YEATS2: variants seen among roughly 807,000 people sequenced by gnomAD.
YEATS2 encodes YEATS domain-containing protein 2.
In YEATS2, 77 loss-of-function variants were observed where a neutral mutation model predicts 163.2. The observed-to-expected ratio is 0.47, with a 90% confidence interval of 0.39 to 0.57. The LOEUF is 0.57. Ranked by LOEUF, YEATS2 falls within the 20% of genes least tolerant of loss-of-function variation. YEATS2 has a pLI of 0.00. For synonymous variants in YEATS2, 631 were observed against 645.1 expected (o/e 0.98, Z 0.33); for missense variants, 1,549 against 1,729.8 (o/e 0.90, Z 1.85).
intron 10 of YEATS2, among the ~76,000 whole-genome samples, chr3:183,753,522 C>T (rs1720400459): frequency 6.6e-6 from 1 of 152,122 alleles, no homozygotes; most frequent in Non-Finnish European, 1.5e-5. Flanking sequence ...CTGAAACCAT[C>T]GGATCACCTG....
Position 183,736,815 on chromosome 3 carries a change from A to G in YEATS2, c.910A>G (p.Ile304Val), listed in dbSNP as rs1718389271. Residue 304 changes from isoleucine to valine, a missense_variant, in exon 8 of 31, where the codon ATA (isoleucine) becomes GTA (valine). Ile to Val is a conservative substitution (Grantham distance 29, BLOSUM62 3). Transcript: ENST00000305135. ...CAGCCAGAACAAGCGGATAGATATC[A>G]TACATAATCTGAAGGTATTGTAACA... Reference protein sequence around the residue: ...KDSQNKRIDIIHNLKLDRTYT... With the variant: ...KDSQNKRIDIVHNLKLDRTYT... The G allele has an allele frequency of 1.2e-6, 2 of 1,612,240 alleles. No homozygotes were observed. Among genetic ancestry groups the G allele is most frequent in the Non-Finnish European group, 1.7e-6 (2 of 1,178,748 alleles).
intron 6 of YEATS2, among the ~76,000 whole-genome samples, chr3:183,727,251 T>C (rs1717213109): frequency 6.6e-6 from 1 of 152,134 alleles, no homozygotes; most frequent in African/African-American, 2.4e-5. Flanking sequence ...GCACAAATAA[T>C]ATTAGAAATA....
At chr3:183,803,414 T>G in intron 26 of YEATS2, 79 bp downstream of exon 26, 5 of 1,315,320 alleles carry the variant, frequency 3.8e-6, no homozygotes, top group Non-Finnish European at 5.3e-6. Context: ...TGCAGCATAT[T>G]TGGTTGAAAT....
intron 1 of YEATS2, among the ~76,000 whole-genome samples, chr3:183,712,184 G>GTTTT (rs1384248257): frequency 8.2e-6 from 1 of 121,306 alleles, no homozygotes; most frequent in Non-Finnish European, 1.7e-5. Context: ...AGCATTTTAT[G>GTTTT]TTCTTTTATT....
Position 183,786,295 on chromosome 3 carries a change from A to G in YEATS2, c.2907A>G (p.Ala969=), listed in dbSNP as rs753105464. 115 of 1,608,684 alleles carry G rather than the reference A, an allele frequency of 7.1e-5. No individual in the cohort carries two copies. In the Admixed American group the frequency reaches 1.8e-3, roughly 25 times the overall value. ...PAVALSANGP[A]QQSEGMAPVS... is the part of the protein sequence containing the mutation. ...TGGCCCTCTCAGCAAACGGTCCTGC[A>G]CAACAGGTGAGAAATAGCATGTCAG... The change falls in exon 20 of 31, where the codon GCA becomes GCG. Residue 969 remains alanine (A), a synonymous_variant. Transcript: ENST00000305135.
In YEATS2 at chr3:183,776,007, G is replaced by T. The variant is rs756228064; in HGVS notation, c.2461G>T (p.Gly821Cys). ...AGGCGGCAGTGGCAGCGGTGGAGGC[G>T]GCAGCACAGGAGGAGGAGGAGGAAC... ...GGGGSGSGGG[G>C]STGGGGGTAG... Residue 821 changes from glycine (G) to cysteine (C), a missense_variant, in exon 18 of 31, where the codon GGC becomes TGC. Gly to Cys is a radical substitution (Grantham distance 159). Coordinates refer to ENST00000305135, the MANE Select transcript of YEATS2 (RefSeq NM_018023.5). 6.2e-7 allele frequency: 1 copy of T among 1,609,708 alleles called. No homozygotes were observed. The highest frequency in any genetic ancestry group is 1.1e-5 in the South Asian group (1 of 90,816).
intron 1 of YEATS2, among the ~76,000 whole-genome samples, chr3:183,705,101 TGCAACGGC>T: frequency 6.6e-6 from 1 of 152,098 alleles, no homozygotes; most frequent in East Asian, 1.9e-4. Context: ...AGGCTGGAGG[TGCAACGGC>T]GCGATCTCAG....
chr3:183,713,775 A>G lies in YEATS2; in HGVS notation c.-19-1369A>G, dbSNP rs575710392. Among the ~76,000 whole-genome samples, 11 of 152,344 alleles carry G rather than the reference A, an allele frequency of 7.2e-5. No homozygotes were observed. In the East Asian group the frequency reaches 2.1e-3, roughly 29 times the overall value. On this transcript the variant is annotated intron_variant, in intron 1 of 30. Coordinates refer to ENST00000305135, the MANE Select transcript of YEATS2 (RefSeq NM_018023.5). Reference sequence around the variant, plus strand: ...TGTGAATGTTTCGTATCTACACTGAACAATGTAGTTGCTACTAGCTACGGT... The same window carrying G: ...TGTGAATGTTTCGTATCTACACTGAGCAATGTAGTTGCTACTAGCTACGGT...
intron 19 of YEATS2, among the ~76,000 whole-genome samples, chr3:183,783,090 T>C (rs967843923): frequency 3.9e-5 from 6 of 152,262 alleles, no homozygotes; most frequent in African/African-American, 1.4e-4. Flanking sequence ...AATTATGCCA[T>C]GGCTATTACT....
At chr3:183,719,136 C>G (rs1303878442) in intron 4 of YEATS2, among the ~76,000 whole-genome samples, 4 of 151,768 alleles carry the variant, frequency 2.6e-5, no homozygotes, top group East Asian at 3.9e-4. Flanking sequence ...GTCAATAATC[C>G]TAAGTAATAT....
At chr3:183,806,473 C>A (rs1450222174) in intron 27 of YEATS2, 3 of 455,834 alleles carry the variant, frequency 6.6e-6, no homozygotes, top group African/African-American at 4.0e-5. Context: ...GTCCTGCTCT[C>A]TGAGCAGTGA....
chr3:183,800,329 C>T lies in YEATS2; in HGVS notation c.3326-137C>T, dbSNP rs1022973590. 4.3e-5 allele frequency: 27 copies of T among 631,034 alleles called. 1 individual carries two copies. Among genetic ancestry groups the T allele is most frequent in the African/African-American group, 4.2e-4 (23 of 54,162 alleles). 39.1% of individuals were successfully genotyped at this position (631,034 alleles called of 1,614,324 possible). On this transcript the variant is annotated intron_variant, in intron 23 of 30. Transcript: ENST00000305135. ...CTGGGATGATAGGAGCCATCTCAGT[C>T]CCCTGGCTGTGTCCCCACAACAGCT...
At chr3:183,779,515 A>G (rs969692032) in intron 19 of YEATS2, among the ~76,000 whole-genome samples, 2 of 152,038 alleles carry the variant, frequency 1.3e-5, no homozygotes, top group Non-Finnish European at 2.9e-5. Context: ...TTACTTGGCT[A>G]CTTTGAGATT....
chr3:183,800,199 G>A (rs1226471012), intron 23 of YEATS2, among the ~76,000 whole-genome samples: 2 of 152,158 alleles, frequency 1.3e-5, no homozygotes, highest in African/African-American at 2.4e-5. Flanking sequence ...AGTGTGGGTG[G>A]CCCTTTAAGA....
chr3:183,771,564 T>TTTCTTAGGG (rs1722474031), intron 15 of YEATS2, among the ~76,000 whole-genome samples: 1 of 142,962 alleles, frequency 7.0e-6, no homozygotes, highest in Non-Finnish European at 1.5e-5. Context: ...TTTTTTTTTT[T>TTTCTTAGGG]TCTTTTCTTA....
chr3:183,724,619 G>A, intron 6 of YEATS2, 88 bp downstream of exon 6: 2 of 878,382 alleles, frequency 2.3e-6, no homozygotes, highest in East Asian at 3.0e-5. Context: ...GTAGGAAGCA[G>A]CCTCAGGGAT....
At chr3:183,751,787 G>A (rs1265151189) in intron 9 of YEATS2, among the ~76,000 whole-genome samples, 2 of 152,168 alleles carry the variant, frequency 1.3e-5, no homozygotes, top group East Asian at 1.9e-4. Flanking sequence ...GAGGAATAGC[G>A]TTGTAAGGAG....
At chr3:183,808,259 T>C in intron 29 of YEATS2, 155 bp downstream of exon 29, 1 of 632,818 alleles carries the variant, frequency 1.6e-6, no homozygotes, top group Non-Finnish European at 2.7e-6. Context: ...TTTTGTTTTT[T>C]TTCCTTCTGA....
At chr3:183,706,640 A>C (rs901647619) in intron 1 of YEATS2, among the ~76,000 whole-genome samples, 6 of 152,170 alleles carry the variant, frequency 3.9e-5, no homozygotes, top group Non-Finnish European at 7.3e-5. Flanking sequence ...AACATGGAGA[A>C]ACCCCGTCTC....
Sources: gnomAD v4.1 joint callset for allele counts (sites outside exome capture counted in the v4.1 genomes callset) on GRCh38, gnomAD v4.1.1 for gene constraint, MANE v1.5 for transcripts, NCBI Gene and HGNC (gene_info 2026-07-23, HGNC 2026-07-21) for gene names.